Variants in RANBP2 observed in about 807,000 individuals in gnomAD.
RANBP2 encodes E3 SUMO-protein ligase RanBP2.
A neutral mutation model predicts 303.6 loss-of-function variants in RANBP2; 57 were observed. That is an observed-to-expected ratio of 0.19 (90% CI 0.15 to 0.23). The LOEUF (loss-of-function observed/expected upper bound fraction) is 0.23. Ranked by LOEUF, RANBP2 falls within the 10% of genes least tolerant of loss-of-function variation. The pLI, the probability that RANBP2 is intolerant of heterozygous loss-of-function variation, is 1.00. For synonymous variants in RANBP2, 1,167 were observed against 1,301.5 expected, an observed-to-expected ratio of 0.90 and a Z score of 2.23; for missense variants, 3,138 against 3,780.8, an observed-to-expected ratio of 0.83 and a Z score of 4.46.
the RANBP2 span, among the ~76,000 whole-genome samples, chr2:108,829,877 A>G: frequency 6.6e-6 from 1 of 152,224 alleles, no homozygotes; most frequent in South Asian, 2.1e-4. Context: ...TGATTCTTCA[A>G]AAACTTAAAA....
At chr2:109,063,643 ACAGG>A in the RANBP2 span, among the ~76,000 whole-genome samples, 2 of 152,148 alleles carry the variant, frequency 1.3e-5, no homozygotes, top group East Asian at 3.9e-4. Context: ...GTACACACAC[ACAGG>A]CACATACAAG....
At chr2:109,591,999 AT>A in the RANBP2 span, among the ~76,000 whole-genome samples, 1 of 152,112 alleles carries the variant, frequency 6.6e-6, no homozygotes, top group Non-Finnish European at 1.5e-5. Context: ...TTTACTTCCT[AT>A]TTTTAAATAC....
At position 108,736,128 on chromosome 2, in the gene RANBP2, T is replaced by G. The variant is rs1695562209; in HGVS notation, c.661T>G (p.Leu221Val). The G allele has an allele frequency of 1.9e-6, 3 of 1,611,832 alleles. No individual in the cohort carries two copies. The African/African-American group carries it at 4.0e-5, about 22-fold the overall frequency. Residue 221 changes from leucine (L) to valine (V), a missense_variant, in exon 6 of 29, where the codon TTG becomes GTG. This residue lies in a region of RANBP2 where 306 missense variants were observed against 381.9 expected (regional missense o/e 0.80). Transcript: ENST00000283195. ...LKEYLESLQC[L>V]ESDKSDWRAT... is the part of the protein sequence containing the mutation. ...GGAATATCTGGAGTCTTTACAGTGT[T>G]TGGAGTCTGATAAAAGTGACTGGCG...
the RANBP2 span, among the ~76,000 whole-genome samples, chr2:109,376,441 T>C: frequency 6.6e-6 from 1 of 152,184 alleles, no homozygotes; most frequent in Non-Finnish European, 1.5e-5. Context: ...GTGGGTGGCT[T>C]GCATGGAGAC....
chr2:109,532,606 T>G, the RANBP2 span, among the ~76,000 whole-genome samples: 3 of 152,020 alleles, frequency 2.0e-5, no homozygotes, highest in Admixed American at 6.5e-5. Context: ...ACTCAATGTG[T>G]CTATAATCTA....
At chr2:108,941,663 C>T in the RANBP2 span, among the ~76,000 whole-genome samples, 3 of 152,226 alleles carry the variant, frequency 2.0e-5, no homozygotes, top group African/African-American at 7.2e-5. Flanking sequence ...CAACAAGTCA[C>T]TTCCAAAAGA....
chr2:109,418,450 G>A, the RANBP2 span, among the ~76,000 whole-genome samples: 2 of 152,068 alleles, frequency 1.3e-5, no homozygotes, highest in African/African-American at 2.4e-5. Context: ...AGTCTGTTCC[G>A]GGGCTCCCTC....
the RANBP2 span, among the ~76,000 whole-genome samples, chr2:109,474,964 GTTTT>G: frequency 6.6e-6 from 1 of 151,644 alleles, no homozygotes; most frequent in Non-Finnish European, 1.5e-5. Context: ...TTTTGTTTGG[GTTTT>G]TTTTGTTTGT....
the RANBP2 span, chr2:109,553,123 CT>C: frequency 1.9e-6 from 3 of 1,613,698 alleles, no homozygotes; most frequent in Non-Finnish European, 2.5e-6. Flanking sequence ...CTTCTTTCTC[CT>C]TTACTCGCTG....
At chr2:108,968,874 A>G in the RANBP2 span, among the ~76,000 whole-genome samples, 1 of 152,270 alleles carries the variant, frequency 6.6e-6, no homozygotes, top group Non-Finnish European at 1.5e-5. Flanking sequence ...GCCAAAGCCC[A>G]GTCACGGTAG....
At chr2:109,052,268 A>C in the RANBP2 span, among the ~76,000 whole-genome samples, 2 of 152,342 alleles carry the variant, frequency 1.3e-5, no homozygotes, top group South Asian at 4.1e-4. Flanking sequence ...TCATCCTAAG[A>C]AATGTCAGAA....
At chr2:108,740,768 A>G (rs1203142123) in intron 7 of RANBP2, 87 bp downstream of exon 7, 9 of 1,582,554 alleles carry the variant, frequency 5.7e-6, no homozygotes, top group Non-Finnish European at 7.7e-6. Flanking sequence ...TGTAATGACA[A>G]TATGTGAACA....
the RANBP2 span, among the ~76,000 whole-genome samples, chr2:109,453,885 T>G: frequency 7.2e-5 from 11 of 152,108 alleles, no homozygotes; most frequent in African/African-American, 2.7e-4. Flanking sequence ...AGGGTCAGCC[T>G]GAGCAGAGGC....
At chr2:109,566,863 A>C in the RANBP2 span, among the ~76,000 whole-genome samples, 2 of 152,188 alleles carry the variant, frequency 1.3e-5, no homozygotes, top group Non-Finnish European at 2.9e-5. Context: ...CTAATGTAAA[A>C]ATTATTAATT....
At chr2:109,102,939 G>A in the RANBP2 span, among the ~76,000 whole-genome samples, 1 of 152,164 alleles carries the variant, frequency 6.6e-6, no homozygotes, top group Non-Finnish European at 1.5e-5. Context: ...TGAGAGGAGC[G>A]GATTGCAACG....
At chr2:109,670,429 G>C in the RANBP2 span, among the ~76,000 whole-genome samples, 1 of 151,878 alleles carries the variant, frequency 6.6e-6, no homozygotes, top group Non-Finnish European at 1.5e-5. Flanking sequence ...TCATCGGGGA[G>C]TGGATTGGGT....
At chr2:109,591,390 C>G in the RANBP2 span, among the ~76,000 whole-genome samples, 1 of 151,858 alleles carries the variant, frequency 6.6e-6, no homozygotes, top group East Asian at 1.9e-4. Context: ...AAAGAGGGGC[C>G]AGGGAAAAAG....
At chr2:109,084,655 G>C in the RANBP2 span, among the ~76,000 whole-genome samples, 1 of 152,192 alleles carries the variant, frequency 6.6e-6, no homozygotes. Context: ...GCCAGCTGGG[G>C]TCCAGGTTCG....
the RANBP2 span, among the ~76,000 whole-genome samples, chr2:109,675,959 G>A: frequency 3.9e-5 from 6 of 152,364 alleles, no homozygotes; most frequent in East Asian, 5.8e-4. Context: ...GAGGGAGCAC[G>A]TGGATCAGTG....
Sources: gnomAD v4.1 joint callset for allele counts (sites outside exome capture counted in the v4.1 genomes callset) on GRCh38, gnomAD v4.1.1 for gene constraint, gnomAD v4.1.1 regional missense constraint, MANE v1.5 for transcripts, NCBI Gene and HGNC (gene_info 2026-07-23, HGNC 2026-07-21) for gene names.